CD109: variants seen among roughly 807,000 people sequenced by gnomAD.
CD109 encodes the protein CD109 molecule, also known as CD109 antigen.
CD109 carries 149 observed loss-of-function variants against 165.8 expected under a neutral mutation model. The observed-to-expected ratio is 0.90, with a 90% CI of 0.79 to 1.03. The LOEUF (loss-of-function observed/expected upper bound fraction) is 1.03, where lower values mean the gene tolerates loss of function less well. Among genes scored for constraint, CD109 ranks in the 50% least tolerant of loss-of-function variants. The pLI is 0.00. For synonymous variants in CD109, 585 were observed against 592.1 expected (o/e 0.99, Z 0.18); for missense variants, 1,712 against 1,677.8 (o/e 1.02, Z -0.36).
At chr6:73,697,319 C>T (rs912215986) in intron 1 of CD109, 81 bp from the exon 2 acceptor site, 13 of 1,329,354 alleles carry the variant, frequency 9.8e-6, no homozygotes, top group Non-Finnish European at 1.3e-5. Context: ...GTGCCTATCG[C>T]ACTAGGAAAT....
chr6:73,726,386 A>G (rs1173412798), intron 3 of CD109, among the ~76,000 whole-genome samples: 3 of 152,338 alleles, frequency 2.0e-5, no homozygotes, highest in South Asian at 4.1e-4. Flanking sequence ...TCTTTGTCAA[A>G]TGAAGGAGTG....
chr6:73,734,569 C>T (rs1455629496), intron 4 of CD109, among the ~76,000 whole-genome samples: 1 of 152,230 alleles, frequency 6.6e-6, no homozygotes, highest in Admixed American at 6.5e-5. Flanking sequence ...GTAGGGCCAA[C>T]TGCCCATTAC....
chr6:73,817,972 C>T (rs1311858893), intron 30 of CD109, among the ~76,000 whole-genome samples: 2 of 152,148 alleles, frequency 1.3e-5, no homozygotes, highest in African/African-American at 2.4e-5. Flanking sequence ...CAAGTGATGC[C>T]TCCTTCTCAG....
In CD109 at chr6:73,736,592, C is replaced by T. The variant is rs184718870; in HGVS notation, c.633+84C>T. The T allele has an allele frequency of 7.5e-5, 89 of 1,183,288 alleles. 1 individual carries two copies. The African/African-American group carries it at 1.2e-3, about 16-fold the overall frequency. The allele number at this position is 1,183,288 out of a possible 1,614,324, so 73.3% of individuals were successfully genotyped here. ...GGGAAAATCTCCAAAGTCATTTATA[C>T]AATGAAGAGAAAAAAATTAATGTGA... On this transcript the variant is annotated intron_variant, in intron 5 of 32. Coordinates refer to ENST00000287097, the MANE Select transcript of CD109 (RefSeq NM_133493.5).
intron 2 of CD109, among the ~76,000 whole-genome samples, chr6:73,697,789 A>G (rs1421171050): frequency 1.3e-5 from 2 of 152,172 alleles, no homozygotes; most frequent in Non-Finnish European, 2.9e-5. Flanking sequence ...TTGTGGCTCC[A>G]TTATCATCAC....
intron 5 of CD109, among the ~76,000 whole-genome samples, chr6:73,753,981 C>T (rs985116344): frequency 2.0e-5 from 3 of 152,154 alleles, no homozygotes; most frequent in East Asian, 1.9e-4. Context: ...TTCATAGTCT[C>T]TTACAGGAGA....
rs1774034125 is a variant in CD109 at position 73,771,524 on chromosome 6, A to T, written c.1770A>T (p.Val590=). 1 of 1,610,218 alleles carries T rather than the reference A, an allele frequency of 6.2e-7. No homozygotes were observed. Among genetic ancestry groups the T allele is most frequent in the Non-Finnish European group, 8.5e-7 (1 of 1,178,336 alleles). ...VTQPDSIVGI[V]AVDKSVNLMN... ...AGCCTGACTCCATAGTTGGGATTGT[A>T]GCTGTTGACAAAAGTGTGAATCTGA... is the stretch of plus-strand genomic sequence containing the variant. The change falls in exon 15 of 33, where the codon GTA becomes GTT. Residue 590 remains valine, a synonymous_variant. Coordinates refer to ENST00000287097, the MANE Select transcript of CD109 (RefSeq NM_133493.5).
intron 5 of CD109, 108 bp downstream of exon 5, chr6:73,736,616 G>C (rs1772556092): frequency 6.7e-6 from 6 of 895,176 alleles, no homozygotes; most frequent in Non-Finnish European, 9.9e-6. Flanking sequence ...AAATTAATGT[G>C]AACATTTAGA....
chr6:73,812,384 C>A, intron 29 of CD109, 114 bp downstream of exon 29: 1 of 683,470 alleles, frequency 1.5e-6, no homozygotes, highest in Non-Finnish European at 2.4e-6. Context: ...TGATTTACAT[C>A]TGTGACTTAA....
intron 5 of CD109, among the ~76,000 whole-genome samples, chr6:73,755,065 A>G (rs1773338452): frequency 6.6e-6 from 1 of 152,224 alleles, no homozygotes; most frequent in Non-Finnish European, 1.5e-5. Context: ...TGGCCTCAGT[A>G]ATAAAGCAAA....
At chr6:73,789,039 A>G (rs796330642) in intron 22 of CD109, among the ~76,000 whole-genome samples, 2 of 152,352 alleles carry the variant, frequency 1.3e-5, no homozygotes, top group African/African-American at 4.8e-5. Flanking sequence ...GAATATCAGA[A>G]TCTTCTAAGG....
At position 73,785,427 on chromosome 6, in the gene CD109, G is replaced by T. The variant is rs1020650442; in HGVS notation, c.2287G>T (p.Glu763Ter). ...NLPYSVIRGE[E>*]FALEITIFNY... is the part of the protein sequence containing the mutation. ...TCCCTACTCTGTTATCAGAGGTGAA[G>T]AATTTGCTTTGGAAATAACTATATT... Residue 763 changes from glutamate to a stop codon, truncating the protein, a stop_gained, in exon 20 of 33, where the codon GAA becomes TAA. Coordinates refer to ENST00000287097, the MANE Select transcript of CD109 (RefSeq NM_133493.5). LOFTEE classifies it high-confidence loss of function. 1.2e-6 allele frequency: 2 copies of T among 1,607,532 alleles called. No homozygotes were observed. The highest frequency in any genetic ancestry group is 1.3e-5 in the African/African-American group (1 of 74,650).
intron 5 of CD109, among the ~76,000 whole-genome samples, chr6:73,749,485 AG>A (rs1299649558): frequency 6.6e-6 from 1 of 152,116 alleles, no homozygotes; most frequent in African/African-American, 2.4e-5. Context: ...GTAGTTGAAG[AG>A]AAAGGTGGGG....
chr6:73,711,896 A>G (rs934340772), intron 2 of CD109, among the ~76,000 whole-genome samples: 2 of 152,182 alleles, frequency 1.3e-5, no homozygotes, highest in Non-Finnish European at 2.9e-5. Flanking sequence ...GTTTTCTTAC[A>G]TGGATATTTT....
chr6:73,790,060 A>C (rs1479910026), intron 22 of CD109, among the ~76,000 whole-genome samples: 2 of 146,246 alleles, frequency 1.4e-5, no homozygotes, highest in Admixed American at 6.9e-5. Context: ...GAAATTTACA[A>C]TACTCTTGTT....
intron 28 of CD109, among the ~76,000 whole-genome samples, chr6:73,811,357 C>G (rs374652918): frequency 2.0e-5 from 3 of 152,038 alleles, no homozygotes; most frequent in Non-Finnish European, 4.4e-5. Context: ...GGAGAAAACA[C>G]GGGCACTGTA....
chr6:73,805,824 T>G (rs1000278187), intron 24 of CD109, among the ~76,000 whole-genome samples: 2 of 152,168 alleles, frequency 1.3e-5, no homozygotes, highest in Non-Finnish European at 2.9e-5. Flanking sequence ...AACCCTGAGT[T>G]GACACAGCAC....
In CD109 at chr6:73,714,025, A is replaced by G. The variant is rs140091896; in HGVS notation, c.248-9226A>G. On this transcript the variant is annotated intron_variant, in intron 2 of 32. Coordinates refer to ENST00000287097, the MANE Select transcript of CD109 (RefSeq NM_133493.5). ...TGCTTCCTCCAGTTATGGAGCTAGC[A>G]TAATAGTCAACCCCTGATGATTTAT... 2.0e-5 allele frequency among the ~76,000 whole-genome samples: 3 copies of G among 152,332 alleles called. No individual in the cohort carries two copies. The East Asian group carries it at 5.8e-4, about 29-fold the overall frequency.
chr6:73,729,997 G>A (rs748137129), intron 3 of CD109, among the ~76,000 whole-genome samples: 25 of 152,156 alleles, frequency 1.6e-4, no homozygotes, highest in Non-Finnish European at 3.2e-4. Context: ...AATAGGGTGA[G>A]CGTGGAAAAG....
Sources: gnomAD v4.1 joint callset for allele counts (sites outside exome capture counted in the v4.1 genomes callset) on GRCh38, gnomAD v4.1.1 for gene constraint, MANE v1.5 for transcripts, NCBI Gene and HGNC (gene_info 2026-07-23, HGNC 2026-07-21) for gene names.